CRBN: variants seen among roughly 807,000 people sequenced by gnomAD.
CRBN encodes the protein protein cereblon.
A neutral mutation model predicts 62.2 loss-of-function variants in CRBN; 53 were observed. That is an observed-to-expected ratio of 0.85 (90% CI 0.68 to 1.07). The LOEUF is 1.07. Among genes scored for constraint, CRBN ranks in the 50% least tolerant of loss-of-function variants. The pLI is 0.00. For missense variants in CRBN, 616 were observed against 531.1 expected (o/e 1.16, Z -1.57); for synonymous variants, 208 against 176.1 (o/e 1.18, Z -1.43).
At chr3:3,155,020 T>G (rs547545450) in intron 6 of CRBN, 189 bp from the exon 7 acceptor site, 24 of 603,730 alleles carry the variant, frequency 4.0e-5, no homozygotes, top group Non-Finnish European at 7.0e-5. Flanking sequence ...CAGCACTGTC[T>G]GCCTTCCAGC....
intron 10 of CRBN, among the ~76,000 whole-genome samples, chr3:3,151,429 G>A (rs1266329574): frequency 6.6e-6 from 1 of 152,160 alleles, no homozygotes; most frequent in African/African-American, 2.4e-5. Flanking sequence ...GCAATTACCT[G>A]CAGAAATAAT....
intron 5 of CRBN, among the ~76,000 whole-genome samples, chr3:3,163,037 C>A (rs1707201172): frequency 6.6e-6 from 1 of 152,312 alleles, no homozygotes; most frequent in African/African-American, 2.4e-5. Context: ...TCTGCCATCC[C>A]CTTTCCCTGT....
chr3:3,158,947 C>A (rs1019670390), intron 5 of CRBN, among the ~76,000 whole-genome samples: 3 of 152,116 alleles, frequency 2.0e-5, no homozygotes, highest in African/African-American at 7.2e-5. Flanking sequence ...CAGTTACTGC[C>A]ATGGTTTTCT....
chr3:3,154,715 C>A, intron 7 of CRBN, 32 bp downstream of exon 7: 1 of 1,192,446 alleles, frequency 8.4e-7, no homozygotes, highest in Non-Finnish European at 1.3e-6. Flanking sequence ...CAAGACATCC[C>A]AGGCTCCAGG....
chr3:3,166,674 T>C (rs573134230), intron 5 of CRBN, among the ~76,000 whole-genome samples: 5 of 152,302 alleles, frequency 3.3e-5, no homozygotes, highest in African/African-American at 7.2e-5. Context: ...GGAAGTCTTA[T>C]AGATACCTGG....
At chr3:3,156,587 T>C (rs948317757) in intron 5 of CRBN, 20 of 390,818 alleles carry the variant, frequency 5.1e-5, no homozygotes, top group Middle Eastern at 7.6e-4. Context: ...ACTTCTATTA[T>C]GACCATGTTA....
chr3:3,158,728 C>T (rs554550161), intron 5 of CRBN, among the ~76,000 whole-genome samples: 7 of 152,310 alleles, frequency 4.6e-5, no homozygotes, highest in African/African-American at 1.7e-4. Context: ...GATGGTATAA[C>T]TTGCTCAAGG....
rs1221779901 is a variant in CRBN at position 3,154,039 on chromosome 3, T to C, written c.872A>G (p.Asp291Gly). ...AAGGAGCTGAATTCTCAATACATCA[T>C]CAATAGGAAGACAAGCAGCTACTCT... ...SYRVAACLPI[D>G]DVLRIQLLKI... The change falls in exon 8 of 11, where the codon GAT (aspartate) becomes GGT (glycine). Residue 291 changes from aspartate to glycine, a missense_variant. Asp to Gly is a moderately conservative substitution (Grantham distance 94, BLOSUM62 -1). Coordinates refer to ENST00000231948, the MANE Select transcript of CRBN (RefSeq NM_016302.4). 1 of 1,613,442 alleles carries C rather than the reference T, an allele frequency of 6.2e-7. No homozygotes were observed. The highest frequency in any genetic ancestry group is 1.3e-5 in the African/African-American group (1 of 74,898).
At chr3:3,162,322 T>A (rs1707174688) in intron 5 of CRBN, among the ~76,000 whole-genome samples, 1 of 152,110 alleles carries the variant, frequency 6.6e-6, no homozygotes. Context: ...TCCTCTTTTT[T>A]TTTGAGGAGG....
At chr3:3,151,481 C>T (rs988261632) in intron 10 of CRBN, among the ~76,000 whole-genome samples, 20 of 123,814 alleles carry the variant, frequency 1.6e-4, no homozygotes, top group African/African-American at 3.4e-4. Context: ...AGGAAGGACA[C>T]GTCTCAAAAA....
At chr3:3,168,684 G>T (rs1300813820) in intron 4 of CRBN, among the ~76,000 whole-genome samples, 2 of 152,078 alleles carry the variant, frequency 1.3e-5, no homozygotes, top group Non-Finnish European at 2.9e-5. Flanking sequence ...ACCACTGTTT[G>T]ACCACAAGAT....
Position 3,174,066 on chromosome 3 carries a change from C to G in CRBN, c.370G>C (p.Ala124Pro). The G allele has an allele frequency of 6.2e-7, 1 of 1,613,698 alleles. No individual in the cohort carries two copies. The highest frequency in any genetic ancestry group is 8.5e-7 in the Non-Finnish European group (1 of 1,179,644). The change falls in exon 3 of 11, where the codon GCA (alanine) becomes CCA (proline). Residue 124 changes from alanine (A) to proline (P), a missense_variant. Coordinates refer to ENST00000231948, the MANE Select transcript of CRBN (RefSeq NM_016302.4). ...TGGACTCTAATATTTTACCTGTATG[C>G]AAGAACAGCAAAGGTTCTATCTTTC... ...IQKDRTFAVLAYSNVQEREAQ... is the reference protein window; with the variant it reads ...IQKDRTFAVLPYSNVQEREAQ...
chr3:3,152,661 TGAAGTTCACCAA>T, intron 9 of CRBN, 74 bp from the exon 10 acceptor site: 1 of 1,561,464 alleles, frequency 6.4e-7, no homozygotes, highest in Admixed American at 1.7e-5. Flanking sequence ...AGAATTTTAT[TGAAGTTCACCAA>T]GAAATGAGGT....
chr3:3,154,041 A>T lies in CRBN; in HGVS notation c.870T>A (p.Ile290=), dbSNP rs746839888. The T allele has an allele frequency of 6.2e-7, 1 of 1,613,560 alleles. No homozygotes were observed. Among genetic ancestry groups the T allele is most frequent in the Non-Finnish European group, 8.5e-7 (1 of 1,179,480 alleles). Residue 290 remains isoleucine (I), a synonymous_variant, in exon 8 of 11, where the codon ATT becomes ATA. Coordinates refer to ENST00000231948, the MANE Select transcript of CRBN (RefSeq NM_016302.4). ...FSYRVAACLP[I]DDVLRIQLLK... The stretch of plus-strand genomic sequence containing the variant: ...GGAGCTGAATTCTCAATACATCATC[A>T]ATAGGAAGACAAGCAGCTACTCTGT...
intron 1 of CRBN, among the ~76,000 whole-genome samples, chr3:3,179,297 T>C (rs1004882025): frequency 1.6e-4 from 24 of 152,224 alleles, no homozygotes; most frequent in African/African-American, 5.8e-4. Context: ...GCTGTGAATC[T>C]GACCCGGTCC....
chr3:3,176,558 C>A lies in CRBN; in HGVS notation c.68-1289G>T, dbSNP rs150741359. On this transcript the variant is annotated intron_variant, in intron 1 of 10. Transcript: ENST00000231948. ...CAAGACCAGCCTGGCCAACATGTTGCAACCCCATCTCTACTAAAAACACAA... is the reference window on the plus strand; with the variant it reads ...CAAGACCAGCCTGGCCAACATGTTGAAACCCCATCTCTACTAAAAACACAA... Among the ~76,000 whole-genome samples, 1,170 of 152,184 alleles carry A rather than the reference C, an allele frequency of 7.7e-3. 20 individuals carry two copies. Among genetic ancestry groups the A allele is most frequent in the African/African-American group, 0.027 (1,123 of 41,532 alleles).
In CRBN at chr3:3,150,858, C is replaced by T; in HGVS notation, c.*7G>A. The T allele has an allele frequency of 6.2e-7, 1 of 1,612,064 alleles. No homozygotes were observed. Among genetic ancestry groups the T allele is most frequent in the South Asian group, 1.1e-5 (1 of 90,930 alleles). On this transcript the variant is annotated 3_prime_UTR_variant, in exon 11 of 11. Coordinates refer to ENST00000231948, the MANE Select transcript of CRBN (RefSeq NM_016302.4). ...TTGTTAGATAACTTTATCTCTATCA[C>T]ATCTGTTTACAAGCAAAGTATTACT... is the stretch of plus-strand genomic sequence containing the variant.
At chr3:3,162,194 C>A (rs1037869777) in intron 5 of CRBN, among the ~76,000 whole-genome samples, 2 of 152,156 alleles carry the variant, frequency 1.3e-5, no homozygotes, top group African/African-American at 4.8e-5. Context: ...ATTTCATACT[C>A]AACTCTTTTC....
Position 3,174,093 on chromosome 3 carries a change from G to C in CRBN, c.343C>G (p.Gln115Glu), listed in dbSNP as rs966130308. ...AGAACAGCAAAGGTTCTATCTTTCT[G>C]AATTAAATTCCGCACCATACTGACT... Reference protein sequence around the residue: ...QEVSMVRNLIQKDRTFAVLAY... With the variant: ...QEVSMVRNLIEKDRTFAVLAY... Residue 115 changes from glutamine to glutamate, a missense_variant, in exon 3 of 11, where the codon CAG (glutamine) becomes GAG (glutamate). Gln to Glu is a conservative substitution (Grantham distance 29). Transcript: ENST00000231948. The C allele has an allele frequency of 3.1e-6, 5 of 1,614,022 alleles. No homozygotes were observed. The highest frequency in any genetic ancestry group is 4.2e-6 in the Non-Finnish European group (5 of 1,180,020).
Sources: gnomAD v4.1 joint callset for allele counts (sites outside exome capture counted in the v4.1 genomes callset) on GRCh38, gnomAD v4.1.1 for gene constraint, MANE v1.5 for transcripts, NCBI Gene and HGNC (gene_info 2026-07-23, HGNC 2026-07-21) for gene names.